Variants in SGCD observed in about 807,000 individuals in gnomAD.
SGCD encodes delta-sarcoglycan.
Under a neutral mutation model 36.6 loss-of-function variants are expected in SGCD, and 18 were observed. The observed-to-expected ratio is 0.49, with a 90% CI of 0.34 to 0.73. The LOEUF (loss-of-function observed/expected upper bound fraction) is 0.73. Among genes scored for constraint, SGCD ranks in the 30% least tolerant of loss-of-function variants. SGCD has a pLI of 0.01. For missense variants in SGCD, 387 were observed against 346.7 expected (o/e 1.12, Z -0.92); for synonymous variants, 133 against 130.6 (o/e 1.02, Z -0.12).
chr5:155,825,043 G>C, the SGCD span, among the ~76,000 whole-genome samples: 1 of 152,116 alleles, frequency 6.6e-6, no homozygotes, highest in East Asian at 1.9e-4. Context: ...ACCACACATA[G>C]TGCCAAACTA....
intron 1 of SGCD, among the ~76,000 whole-genome samples, chr5:155,980,524 C>CTTGCAGTGA (rs2127561964): frequency 7.8e-6 from 1 of 128,748 alleles, no homozygotes; most frequent in South Asian, 2.6e-4. Context: ...AGAGGCAGAG[C>CTTGCAGTGA]TTGCAGTGAG....
At position 156,333,551 on chromosome 5, in the gene SGCD, G is replaced by A. The variant is rs541207316; in HGVS notation, c.3+3972G>A. On this transcript the variant is annotated intron_variant, in intron 2 of 8. Transcript: ENST00000337851. ...AAGAAATGAGAGAACAGGTTTTCCA[G>A]CCAAACACTCTGGATTCAAATGCTT... 9.9e-5 allele frequency among the ~76,000 whole-genome samples: 15 copies of A among 152,156 alleles called. No homozygotes were observed. In the East Asian group the frequency reaches 2.9e-3, roughly 29 times the overall value.
At position 156,665,799 on chromosome 5, in the gene SGCD, C is replaced by T. The variant is rs138729329; in HGVS notation, c.575+18263C>T. 3.5e-3 allele frequency among the ~76,000 whole-genome samples: 520 copies of T among 147,290 alleles called. 35 individuals are homozygous for T. Among genetic ancestry groups the T allele is most frequent in the African/African-American group, 0.01 (396 of 38,312 alleles). On this transcript the variant is annotated intron_variant, in intron 7 of 8. Coordinates refer to ENST00000337851, the MANE Select transcript of SGCD (RefSeq NM_000337.6). The stretch of plus-strand genomic sequence containing the variant: ...TTATCACCCTAGCTTCTTCCGAGCG[C>T]GCAAGCTTACCGTAAGGCTGACTGT...
At chr5:155,943,701 G>T (rs1757379965) in intron 1 of SGCD, among the ~76,000 whole-genome samples, 1 of 152,018 alleles carries the variant, frequency 6.6e-6, no homozygotes, top group Non-Finnish European at 1.5e-5. Flanking sequence ...CCTCTTTGGG[G>T]GTTGCTCAAC....
intron 3 of SGCD, among the ~76,000 whole-genome samples, chr5:156,245,157 A>G (rs983286579): frequency 6.6e-6 from 1 of 152,184 alleles, no homozygotes. Flanking sequence ...ACACCCTTTC[A>G]TAGTCTTCTC....
chr5:156,298,576 C>CTTTT (rs924228753), intron 3 of SGCD, among the ~76,000 whole-genome samples: 60 of 110,496 alleles, frequency 5.4e-4, no homozygotes, highest in Non-Finnish European at 6.3e-4. Context: ...TTTTTCTTTT[C>CTTTT]TTTTTTTTTT....
At chr5:156,256,583 T>C (rs1273726150) in intron 3 of SGCD, among the ~76,000 whole-genome samples, 1 of 152,230 alleles carries the variant, frequency 6.6e-6, no homozygotes, top group Non-Finnish European at 1.5e-5. Flanking sequence ...AGATATTTGG[T>C]TCATTTCCCG....
intron 3 of SGCD, among the ~76,000 whole-genome samples, chr5:156,249,279 G>C (rs1765515659): frequency 6.6e-6 from 1 of 152,156 alleles, no homozygotes. Flanking sequence ...GGAAGAGAAT[G>C]AACGGCAGAG....
intron 8 of SGCD, 91 bp from the exon 9 acceptor site, chr5:156,759,126 T>C: frequency 4.0e-6 from 4 of 1,002,506 alleles, no homozygotes; most frequent in Admixed American, 1.8e-5. Context: ...TAGATTTCAG[T>C]TGAATTGAAC....
intron 1 of SGCD, among the ~76,000 whole-genome samples, chr5:155,950,876 C>G (rs1757535346): frequency 6.6e-6 from 1 of 152,148 alleles, no homozygotes; most frequent in South Asian, 2.1e-4. Flanking sequence ...ACCCTCTCAC[C>G]TAAAAATCCT....
intron 2 of SGCD, among the ~76,000 whole-genome samples, chr5:156,332,981 T>C (rs1469986067): frequency 7.9e-5 from 12 of 152,222 alleles, no homozygotes; most frequent in Non-Finnish European, 1.6e-4. Context: ...CATATATACA[T>C]ATCTACATGA....
At chr5:156,173,411 AAAT>A (rs1235689887) in intron 3 of SGCD, among the ~76,000 whole-genome samples, 1 of 152,206 alleles carries the variant, frequency 6.6e-6, no homozygotes, top group Non-Finnish European at 1.5e-5. Flanking sequence ...ACAAACCCAC[AAAT>A]TAATGTCTTT....
At chr5:156,517,137 A>G (rs1013051041) in intron 4 of SGCD, among the ~76,000 whole-genome samples, 5 of 152,222 alleles carry the variant, frequency 3.3e-5, no homozygotes, top group Non-Finnish European at 5.9e-5. Flanking sequence ...ACCAGTTTAG[A>G]GAGGAACATA....
chr5:155,822,905 C>T, the SGCD span, among the ~76,000 whole-genome samples: 2 of 138,038 alleles, frequency 1.4e-5, no homozygotes, highest in Non-Finnish European at 3.3e-5. Flanking sequence ...CTAAATAACT[C>T]TGAGCAGTTG....
At chr5:155,881,903 T>G (rs1335129427) in intron 1 of SGCD, among the ~76,000 whole-genome samples, 1 of 152,188 alleles carries the variant, frequency 6.6e-6, no homozygotes, top group Non-Finnish European at 1.5e-5. Context: ...CATTGAAGTT[T>G]TATCATGAGA....
intron 4 of SGCD, among the ~76,000 whole-genome samples, chr5:156,523,776 A>G (rs1337305181): frequency 6.6e-6 from 1 of 151,888 alleles, no homozygotes; most frequent in Non-Finnish European, 1.5e-5. Flanking sequence ...TCAGTTTGGC[A>G]TAGTCTCACC....
At chr5:156,078,694 A>G (rs908747493) in intron 1 of SGCD, among the ~76,000 whole-genome samples, 1 of 149,282 alleles carries the variant, frequency 6.7e-6, no homozygotes, top group Non-Finnish European at 1.5e-5. Flanking sequence ...GTGTGTGTGT[A>G]TGTATATATA....
At chr5:156,435,584 T>C (rs764034879) in intron 3 of SGCD, among the ~76,000 whole-genome samples, 2 of 152,206 alleles carry the variant, frequency 1.3e-5, no homozygotes, top group Non-Finnish European at 2.9e-5. Flanking sequence ...CATCAGGGGC[T>C]AAAATTATTT....
At chr5:156,290,048 G>A (rs112414473) in intron 3 of SGCD, among the ~76,000 whole-genome samples, 8 of 152,210 alleles carry the variant, frequency 5.3e-5, no homozygotes, top group African/African-American at 1.9e-4. Flanking sequence ...TTTTTAAACA[G>A]GGTTTGAAAA....
Sources: gnomAD v4.1 joint callset for allele counts (sites outside exome capture counted in the v4.1 genomes callset) on GRCh38, gnomAD v4.1.1 for gene constraint, MANE v1.5 for transcripts, NCBI Gene and HGNC (gene_info 2026-07-23, HGNC 2026-07-21) for gene names.